RECK: variants seen among roughly 807,000 people sequenced by gnomAD.
RECK encodes the protein reversion-inducing cysteine-rich protein with Kazal motifs.
In RECK, 69 loss-of-function variants were observed where a neutral mutation model predicts 115.1. The observed-to-expected ratio is 0.60, with a 90% CI of 0.49 to 0.73. The LOEUF is 0.73. Among genes scored for constraint, RECK ranks in the 30% least tolerant of loss-of-function variants. The probability of loss-of-function intolerance (pLI) is 0.00; values close to 1 mark genes in which losing one functional copy is unlikely to be tolerated. For synonymous variants in RECK, 414 were observed against 419.7 expected (o/e 0.99, Z 0.17); for missense variants, 1,047 against 1,203.7 (o/e 0.87, Z 1.93).
At chr9:36,095,808 C>T (rs899555167) in intron 10 of RECK, among the ~76,000 whole-genome samples, 2 of 151,720 alleles carry the variant, frequency 1.3e-5, no homozygotes, top group South Asian at 2.1e-4. Context: ...CGGTGGCTCA[C>T]GCCTGTAATC....
At chr9:36,082,672 A>C (rs1206626493) in intron 7 of RECK, among the ~76,000 whole-genome samples, 1 of 152,188 alleles carries the variant, frequency 6.6e-6, no homozygotes, top group African/African-American at 2.4e-5. Context: ...ATTTATTTCA[A>C]ATGAGTTTTC....
At chr9:36,098,861 T>A (rs561323381) in intron 10 of RECK, among the ~76,000 whole-genome samples, 1 of 152,194 alleles carries the variant, frequency 6.6e-6, no homozygotes. Context: ...GTGATAAAGA[T>A]CAGAATATCC....
intron 1 of RECK, among the ~76,000 whole-genome samples, chr9:36,039,229 G>A (rs1188878959): frequency 6.6e-6 from 1 of 152,142 alleles, no homozygotes; most frequent in Non-Finnish European, 1.5e-5. Flanking sequence ...ATTCTAGGAA[G>A]CATGTATTGC....
In RECK at chr9:36,118,772, A is replaced by G. The variant is rs1378604020; in HGVS notation, c.2269A>G (p.Thr757Ala). The G allele has an allele frequency of 2.5e-6, 4 of 1,613,806 alleles. No homozygotes were observed. The highest frequency in any genetic ancestry group is 3.4e-6 in the Non-Finnish European group (4 of 1,179,972). The change falls in exon 18 of 21, where the codon ACC becomes GCC. Residue 757 changes from threonine to alanine, a missense_variant. Thr to Ala is a moderately conservative substitution (Grantham distance 58). Coordinates refer to ENST00000377966, the MANE Select transcript of RECK (RefSeq NM_021111.3). ...KGPCQPFCRA[T>A]EPVCGHNGET... ...TTGCCCTCAGCCCTTTTGCAGAGCA[A>G]CCGAGCCCGTATGTGGGCACAATGG...
chr9:36,121,652 G>A lies in RECK; in HGVS notation c.2658G>A (p.Leu886=), dbSNP rs139816613. 5.5e-5 allele frequency: 88 copies of A among 1,614,024 alleles called. No individual in the cohort carries two copies. The African/African-American group carries it at 1.1e-3, about 20-fold the overall frequency. The part of the protein sequence containing the change: ...YFSIESEIVI[L]IIPVDHYPKA... ...GCATTGAATCAGAAATTGTGATCCT[G>A]ATCATTCCCGTCGATCACTATCCAA... The change falls in exon 20 of 21, where the codon CTG becomes CTA. Residue 886 remains leucine (L), a synonymous_variant. Transcript: ENST00000377966.
In RECK at chr9:36,118,757, C is replaced by T. The variant is rs1824354911; in HGVS notation, c.2254C>T (p.Pro752Ser). 1.9e-6 allele frequency: 3 copies of T among 1,613,218 alleles called. No individual in the cohort carries two copies. In the South Asian group the frequency reaches 3.3e-5, roughly 18 times the overall value. Residue 752 changes from proline (P) to serine (S), a missense_variant and splice_region_variant, in exon 18 of 21, where the codon CCC becomes TCC. Physicochemically the swap from Pro to Ser is moderately conservative, Grantham distance 74. Transcript: ENST00000377966. ...KSLSYKGPCQ[P>S]FCRATEPVCG... is the part of the protein sequence containing the mutation. The stretch of plus-strand genomic sequence containing the variant: ...CTAAATGTGATTTGTTTGCCCTCAG[C>T]CCTTTTGCAGAGCAACCGAGCCCGT...
intron 12 of RECK, among the ~76,000 whole-genome samples, chr9:36,104,514 G>A (rs1823721577): frequency 1.4e-5 from 2 of 144,020 alleles, no homozygotes; most frequent in South Asian, 4.4e-4. Flanking sequence ...ATTTGAGGGG[G>A]GGCTTTTTTT....
In RECK at chr9:36,099,505, T is replaced by C. The variant is rs188053315; in HGVS notation, c.1086-826T>C. Among the ~76,000 whole-genome samples the C allele has an allele frequency of 1.8e-3, 269 of 152,352 alleles. 6 individuals are homozygous for C. The highest frequency in any genetic ancestry group is 0.014 in the Admixed American group (212 of 15,308). ...TAATTTTAAATAACTTGATAACTAC[T>C]TTAAATTTTGCTTAAATTTTTTTCA... On this transcript the variant is annotated intron_variant, in intron 10 of 20. Transcript: ENST00000377966.
At chr9:36,092,840 G>A (rs1355780088) in intron 10 of RECK, among the ~76,000 whole-genome samples, 1 of 151,806 alleles carries the variant, frequency 6.6e-6, no homozygotes, top group African/African-American at 2.4e-5. Flanking sequence ...TCAGAGTTTG[G>A]TCCTGCCAGA....
chr9:36,120,762 A>G (rs747864402), intron 19 of RECK, 26 bp downstream of exon 19: 2 of 1,414,468 alleles, frequency 1.4e-6, no homozygotes, highest in Non-Finnish European at 2.0e-6. Flanking sequence ...TTCAGATGCT[A>G]TTGAAATCTT....
intron 8 of RECK, 132 bp from the exon 9 acceptor site, chr9:36,087,562 G>A: frequency 1.1e-6 from 1 of 877,286 alleles, no homozygotes; most frequent in Non-Finnish European, 1.7e-6. Context: ...GATGGGTTCA[G>A]CAAACCACCA....
chr9:36,042,307 C>G (rs1439943078), intron 1 of RECK, among the ~76,000 whole-genome samples: 1 of 151,922 alleles, frequency 6.6e-6, no homozygotes, highest in Non-Finnish European at 1.5e-5. Flanking sequence ...TGAGAACATA[C>G]AATGTTTGGT....
chr9:36,039,956 C>G (rs1820814197), intron 1 of RECK, among the ~76,000 whole-genome samples: 1 of 152,134 alleles, frequency 6.6e-6, no homozygotes, highest in African/African-American at 2.4e-5. Flanking sequence ...TTTAAGCAAT[C>G]TTTCATTAAT....
intron 16 of RECK, among the ~76,000 whole-genome samples, chr9:36,116,276 G>A (rs1824261832): frequency 6.6e-6 from 1 of 152,050 alleles, no homozygotes; most frequent in Non-Finnish European, 1.5e-5. Flanking sequence ...TTACAGGCAT[G>A]CGCCACCATG....
chr9:36,100,940 T>G (rs1823542226), intron 11 of RECK, among the ~76,000 whole-genome samples: 1 of 152,132 alleles, frequency 6.6e-6, no homozygotes, highest in African/African-American at 2.4e-5. Context: ...TCTGTTAGAC[T>G]TTGCTCTTCT....
intron 7 of RECK, among the ~76,000 whole-genome samples, chr9:36,082,206 C>T (rs1413393527): frequency 8.1e-6 from 1 of 122,724 alleles, no homozygotes; most frequent in Non-Finnish European, 1.8e-5. Flanking sequence ...CTTTTTGAGA[C>T]AAGATTTGGC....
intron 11 of RECK, 54 bp from the exon 12 acceptor site, chr9:36,102,040 G>A: frequency 6.4e-7 from 1 of 1,555,038 alleles, no homozygotes. Context: ...ATGTTGACTG[G>A]ACAACATGAG....
At position 36,069,480 on chromosome 9, in the gene RECK, C is replaced by CAA. The variant is rs60192603; in HGVS notation, c.405+3874_405+3875dup. Among the ~76,000 whole-genome samples, 190 of 84,840 alleles carry CAA rather than the reference C, an allele frequency of 2.2e-3. 6 individuals are homozygous for CAA. The highest frequency in any genetic ancestry group is 5.2e-3 in the East Asian group (20 of 3,836). 55.7% of individuals were successfully genotyped at this position (84,840 alleles called of 152,430 possible). Reference sequence around the variant, plus strand: ...CACTTGAACCTGGAGGTGGAGGTTGCAAAAAAAAAAAAAAAAAAAGAAGAG... The same window carrying CAA: ...CACTTGAACCTGGAGGTGGAGGTTGCAAAAAAAAAAAAAAAAAAAAAGAAGAG... On this transcript the variant is annotated intron_variant, in intron 6 of 20. Coordinates refer to ENST00000377966, the MANE Select transcript of RECK (RefSeq NM_021111.3).
At chr9:36,082,754 T>G (rs1336206630) in intron 7 of RECK, among the ~76,000 whole-genome samples, 1 of 152,242 alleles carries the variant, frequency 6.6e-6, no homozygotes, top group Non-Finnish European at 1.5e-5. Flanking sequence ...CTCTTACAGA[T>G]AGATGTTCAA....
Sources: allele counts gnomAD v4.1 joint callset (sites outside exome capture counted in the v4.1 genomes callset), GRCh38; gene constraint gnomAD v4.1.1; transcripts MANE v1.5; gene names NCBI Gene and HGNC (gene_info 2026-07-23, HGNC 2026-07-21).